ADGB: variants seen among roughly 807,000 people sequenced by gnomAD.
ADGB encodes androglobin.
In ADGB, 172 loss-of-function variants were observed where a neutral mutation model predicts 210.5. The ratio of observed to expected loss-of-function variants is 0.82; its 90% CI spans 0.72 to 0.93. The LOEUF (loss-of-function observed/expected upper bound fraction) is 0.93, where lower values mean the gene tolerates loss of function less well. ADGB is among the 40% of genes least tolerant of loss of function. The probability of loss-of-function intolerance (pLI) is 0.00; values close to 1 mark genes in which losing one functional copy is unlikely to be tolerated. For missense variants in ADGB, 2,025 were observed against 1,964.8 expected (o/e 1.03, Z -0.58); for synonymous variants, 658 against 662.7 (o/e 0.99, Z 0.11).
chr6:146,799,495 C>CT (rs1480107009), intron 33 of ADGB, among the ~76,000 whole-genome samples: 2 of 141,444 alleles, frequency 1.4e-5, no homozygotes, highest in African/African-American at 2.6e-5. Flanking sequence ...GATCGCGCCA[C>CT]TGCACTCCAG....
At chr6:146,620,509 AT>A (rs1780872599) in intron 1 of ADGB, among the ~76,000 whole-genome samples, 1 of 151,636 alleles carries the variant, frequency 6.6e-6, no homozygotes, top group Non-Finnish European at 1.5e-5. Context: ...TGGTTGGATA[AT>A]TTTATATGTT....
At chr6:146,805,964 T>C (rs1778206392) in intron 35 of ADGB, among the ~76,000 whole-genome samples, 2 of 152,258 alleles carry the variant, frequency 1.3e-5, no homozygotes, top group African/African-American at 2.4e-5. Flanking sequence ...AGATATTCTG[T>C]TTAGATTCAC....
At chr6:146,666,725 T>C (rs1348772865) in intron 6 of ADGB, 91 bp from the exon 7 acceptor site, 2 of 715,580 alleles carry the variant, frequency 2.8e-6, no homozygotes, top group Non-Finnish European at 4.6e-6. Context: ...AATCAGAATA[T>C]ATTGCTGTTT....
intron 26 of ADGB, among the ~76,000 whole-genome samples, chr6:146,749,549 G>C (rs1185631702): frequency 6.6e-6 from 1 of 152,156 alleles, no homozygotes; most frequent in East Asian, 1.9e-4. Flanking sequence ...GTTCTCCTGA[G>C]AGGTAAAAGA....
chr6:146,772,037 A>G (rs99335), intron 29 of ADGB, among the ~76,000 whole-genome samples: 69,555 of 151,976 alleles, frequency 0.46, 17,440 homozygotes, highest in Admixed American at 0.59. Flanking sequence ...ACCTGTCTCA[A>G]TAAGCTCAAA....
chr6:146,691,441 T>A (rs868206455), intron 11 of ADGB, among the ~76,000 whole-genome samples, 151 bp downstream of exon 11: 6 of 13,534 alleles, frequency 4.4e-4, no homozygotes, highest in African/African-American at 1.2e-3. Context: ...TATATATATA[T>A]AAAAATATAT....
chr6:146,696,439 T>C (rs1432207090), intron 12 of ADGB, among the ~76,000 whole-genome samples: 1 of 151,696 alleles, frequency 6.6e-6, no homozygotes, highest in Admixed American at 6.6e-5. Flanking sequence ...AAATGTTCTT[T>C]AGCATCATAA....
Position 146,685,758 on chromosome 6 carries a change from A to C in ADGB, c.1241A>C (p.His414Pro). 6.5e-7 allele frequency: 1 copy of C among 1,537,650 alleles called. No homozygotes were observed. The highest frequency in any genetic ancestry group is 2.5e-5 in the East Asian group (1 of 40,042). Reference sequence around the variant, plus strand: ...GGTTCTTCTGCAATACAGACCTCTCATATGGTCGTATATGCGACATTTACA... The same window carrying C: ...GGTTCTTCTGCAATACAGACCTCTCCTATGGTCGTATATGCGACATTTACA... ...SDCSSAIQTS[H>P]MVVYATFTPL... The change falls in exon 10 of 36, where the codon CAT (histidine) becomes CCT (proline). Residue 414 changes from histidine (H) to proline (P), a missense_variant. His to Pro is a moderately conservative substitution (Grantham distance 77, BLOSUM62 -2). Coordinates refer to ENST00000397944, the MANE Select transcript of ADGB (RefSeq NM_024694.4).
At chr6:146,619,114 T>C (rs9497580) in intron 1 of ADGB, among the ~76,000 whole-genome samples, 4,925 of 148,746 alleles carry the variant, frequency 0.033, 272 homozygotes, top group African/African-American at 0.12. Flanking sequence ...AATAACCATA[T>C]ATATATAGAT....
chr6:146,622,335 C>A (rs1252755192), intron 1 of ADGB, among the ~76,000 whole-genome samples: 1 of 152,082 alleles, frequency 6.6e-6, no homozygotes, highest in South Asian at 2.1e-4. Context: ...ATCAGCTGGG[C>A]TGGGTTCTTA....
chr6:146,642,354 C>T (rs1453477450), intron 2 of ADGB, among the ~76,000 whole-genome samples: 1 of 151,758 alleles, frequency 6.6e-6, no homozygotes, highest in African/African-American at 2.4e-5. Context: ...TAACTAGAAC[C>T]ACCATTTGAC....
At chr6:146,809,507 A>G (rs921242545) in intron 35 of ADGB, among the ~76,000 whole-genome samples, 5 of 151,930 alleles carry the variant, frequency 3.3e-5, no homozygotes, top group African/African-American at 1.2e-4. Context: ...CACCCGGCCA[A>G]TTTCTGTATT....
chr6:146,624,874 G>T (rs182919332), intron 1 of ADGB, among the ~76,000 whole-genome samples: 1 of 151,726 alleles, frequency 6.6e-6, no homozygotes, highest in African/African-American at 2.4e-5. Context: ...AAATATCTTA[G>T]AATTTTCCAG....
At chr6:146,682,288 G>A (rs188851199) in intron 9 of ADGB, among the ~76,000 whole-genome samples, 9 of 151,992 alleles carry the variant, frequency 5.9e-5, no homozygotes, top group Admixed American at 5.9e-4. Flanking sequence ...TCTGAAATAT[G>A]CTTATAGAAA....
intron 26 of ADGB, among the ~76,000 whole-genome samples, chr6:146,748,336 A>G (rs1777271527): frequency 6.6e-6 from 1 of 152,130 alleles, no homozygotes; most frequent in South Asian, 2.1e-4. Flanking sequence ...AAAAGTCCAC[A>G]CACTGGGTGG....
intron 35 of ADGB, chr6:146,807,524 G>A (rs761871627): frequency 6.4e-7 from 1 of 1,551,468 alleles, no homozygotes; most frequent in Non-Finnish European, 8.7e-7. Flanking sequence ...CCATGAAGCT[G>A]GAGACAGAAA....
intron 7 of ADGB, among the ~76,000 whole-genome samples, chr6:146,667,714 G>T (rs1329187707): frequency 1.3e-5 from 2 of 151,934 alleles, no homozygotes; most frequent in Non-Finnish European, 2.9e-5. Flanking sequence ...CTTCAATATA[G>T]AAACATAACA....
intron 33 of ADGB, among the ~76,000 whole-genome samples, chr6:146,794,995 C>G (rs1213470783): frequency 8.7e-6 from 1 of 115,416 alleles, no homozygotes; most frequent in Non-Finnish European, 2.0e-5. Flanking sequence ...TAAGAGAAAT[C>G]TTGGAGAAAA....
intron 18 of ADGB, 53 bp from the exon 19 acceptor site, chr6:146,726,030 A>C (rs1776889863): frequency 8.2e-7 from 1 of 1,218,142 alleles, no homozygotes; most frequent in South Asian, 1.4e-5. Context: ...TCACAGGTCA[A>C]ATGCCACCAC....
Sources: allele counts gnomAD v4.1 joint callset (sites outside exome capture counted in the v4.1 genomes callset), GRCh38; gene constraint gnomAD v4.1.1; transcripts MANE v1.5; gene names NCBI Gene and HGNC (gene_info 2026-07-23, HGNC 2026-07-21).